The following TRIM2 variants were observed in gnomAD, a reference collection of about 807,000 sequenced individuals.
TRIM2 encodes the protein tripartite motif containing 2.
In TRIM2, 20 loss-of-function variants were observed where a neutral mutation model predicts 75.2. The ratio of observed to expected loss-of-function variants is 0.27; its 90% CI spans 0.19 to 0.39. The LOEUF (loss-of-function observed/expected upper bound fraction) is 0.39. Among genes scored for constraint, TRIM2 ranks in the 10% least tolerant of loss-of-function variants. The pLI is 1.00. For missense variants in TRIM2, 660 were observed against 990.8 expected, an observed-to-expected ratio of 0.67 and a Z score of 4.48; for synonymous variants, 373 against 388.3, an observed-to-expected ratio of 0.96 and a Z score of 0.46.
At chr4:153,261,664 G>T (rs1285824835) in intron 1 of TRIM2, among the ~76,000 whole-genome samples, 5 of 152,152 alleles carry the variant, frequency 3.3e-5, no homozygotes, top group Non-Finnish European at 5.9e-5. Flanking sequence ...ACAAGATTTT[G>T]CCAGCTCCCT....
At chr4:153,203,393 C>A (rs1160613638), upstream of TRIM2, among the ~76,000 whole-genome samples, 1 of 121,190 alleles carries the variant, frequency 8.3e-6, no homozygotes, top group African/African-American at 4.3e-5. Context: ...ACCCACATCT[C>A]TACACACACA....
At chr4:153,283,780 G>A (rs968724220) in intron 3 of TRIM2, among the ~76,000 whole-genome samples, 1 of 151,354 alleles carries the variant, frequency 6.6e-6, no homozygotes, top group Admixed American at 6.6e-5. Context: ...GGGACTACAG[G>A]TGCATGCCAC....
intron 1 of TRIM2, among the ~76,000 whole-genome samples, chr4:153,163,492 C>CAG (rs1729949567): frequency 9.9e-6 from 1 of 101,098 alleles, no homozygotes; most frequent in Non-Finnish European, 2.1e-5. Context: ...CCTAGATTTA[C>CAG]ATCTTTTTTT....
chr4:153,331,943 C>T (rs1196367192), intron 11 of TRIM2, among the ~76,000 whole-genome samples: 2 of 151,832 alleles, frequency 1.3e-5, no homozygotes, highest in African/African-American at 4.8e-5. Context: ...AAGACCACCA[C>T]AGAGGAAAAA....
intron 1 of TRIM2, among the ~76,000 whole-genome samples, chr4:153,225,058 G>A (rs1741738164): frequency 6.6e-6 from 1 of 152,198 alleles, no homozygotes; most frequent in Non-Finnish European, 1.5e-5. Context: ...TGATTGGTAA[G>A]AATTTGGCCT....
At chr4:153,266,092 A>G (rs1216119128) in intron 1 of TRIM2, among the ~76,000 whole-genome samples, 2 of 152,130 alleles carry the variant, frequency 1.3e-5, no homozygotes, top group African/African-American at 4.8e-5. Context: ...ATACCGTTTA[A>G]CTATGCAGTG....
chr4:153,208,749 G>T (rs1291562366), intron 1 of TRIM2, among the ~76,000 whole-genome samples: 1 of 152,122 alleles, frequency 6.6e-6, no homozygotes, highest in Non-Finnish European at 1.5e-5. Flanking sequence ...CATAGTGCTT[G>T]GCATGGGGTC....
rs1274234982 is a variant in TRIM2, at chr4:153,169,316, G to T, written c.-49+16046G>T. Among the ~76,000 whole-genome samples, 3 of 152,156 alleles carry T rather than the reference G, an allele frequency of 2.0e-5. No homozygotes were observed. The East Asian group carries it at 5.8e-4, about 29-fold the overall frequency. On this transcript the variant is annotated intron_variant, in intron 1 of 11. Coordinates refer to the TRIM2 transcript ENST00000437508. ...AAAGAAACTTTGCTGTGACTGACCT[G>T]CCTCAGAAAACTTAGACTCCCACAC...
intron 1 of TRIM2, chr4:153,153,390 G>A (rs1232585438): frequency 6.6e-6 from 1 of 151,766 alleles, no homozygotes; most frequent in Non-Finnish European, 1.5e-5. Context: ...CGGGGCTGCG[G>A]GAGGGCCCCG....
At chr4:153,267,438 G>A (rs1484372842) in intron 1 of TRIM2, among the ~76,000 whole-genome samples, 2 of 152,006 alleles carry the variant, frequency 1.3e-5, no homozygotes, top group Non-Finnish European at 2.9e-5. Flanking sequence ...GGATCACGAG[G>A]TCAGGAGATC....
At chr4:153,312,438 C>CA (rs1285049808) in intron 6 of TRIM2, among the ~76,000 whole-genome samples, 3 of 151,702 alleles carry the variant, frequency 2.0e-5, no homozygotes, top group African/African-American at 7.3e-5. Context: ...TTTATGCAGC[C>CA]AAAAAACACA....
chr4:153,244,355 C>CCTCTTCT (rs1748075400), intron 1 of TRIM2, among the ~76,000 whole-genome samples: 6 of 12,710 alleles, frequency 4.7e-4, no homozygotes, highest in Non-Finnish European at 6.6e-4. Flanking sequence ...CTTCTTCTTC[C>CCTCTTCT]TCTTCTTCTT....
chr4:153,239,989 A>G (rs1746125695), intron 1 of TRIM2, among the ~76,000 whole-genome samples: 1 of 151,682 alleles, frequency 6.6e-6, no homozygotes, highest in Non-Finnish European at 1.5e-5. Context: ...CACGCGCCAC[A>G]CGCCCAGCTA....
chr4:153,270,220 A>T, intron 1 of TRIM2, 115 bp from the exon 2 acceptor site: 1 of 1,285,566 alleles, frequency 7.8e-7, no homozygotes, highest in Non-Finnish European at 1.1e-6. Context: ...GAGCCACCAC[A>T]CCTGGCCGAC....
intron 1 of TRIM2, among the ~76,000 whole-genome samples, chr4:153,212,682 A>C (rs1737387597): frequency 1.3e-5 from 2 of 152,176 alleles, no homozygotes; most frequent in South Asian, 2.1e-4. Flanking sequence ...AGAAAGAAAA[A>C]GAAAAGAGGT....
intron 1 of TRIM2, among the ~76,000 whole-genome samples, chr4:153,207,413 CT>C (rs762521773): frequency 3.9e-5 from 6 of 152,192 alleles, no homozygotes; most frequent in Non-Finnish European, 8.8e-5. Flanking sequence ...CGTTGTTTTA[CT>C]TATATGTTAT....
chr4:153,287,672 C>T (rs1464648177), intron 3 of TRIM2, among the ~76,000 whole-genome samples: 1 of 152,140 alleles, frequency 6.6e-6, no homozygotes, highest in Non-Finnish European at 1.5e-5. Flanking sequence ...TTAATACCAA[C>T]ATAATTTCAA....
chr4:153,154,985 C>CAAAA (rs1729095637), intron 1 of TRIM2, among the ~76,000 whole-genome samples: 1 of 152,082 alleles, frequency 6.6e-6, no homozygotes, highest in African/African-American at 2.4e-5. Flanking sequence ...ACTGAAAATA[C>CAAAA]AAAAAATAGC....
intron 1 of TRIM2, among the ~76,000 whole-genome samples, chr4:153,175,017 GTTTTTT>G (rs142893145): frequency 3.2e-5 from 2 of 62,026 alleles, no homozygotes; most frequent in East Asian, 4.7e-4. Context: ...GTTTTGTTTT[GTTTTTT>G]TTTGAGACAG....
Sources: allele counts gnomAD v4.1 joint callset (sites outside exome capture counted in the v4.1 genomes callset), GRCh38; gene constraint gnomAD v4.1.1; transcripts MANE v1.5; gene names NCBI Gene and HGNC (gene_info 2026-07-23, HGNC 2026-07-21).